Variants in NPFFR2 observed in about 807,000 individuals in gnomAD.
The protein encoded by NPFFR2 is G-protein coupled receptor 74.
In NPFFR2, 15 loss-of-function variants were observed where a neutral mutation model predicts 13.1. The observed-to-expected ratio is 1.15, with a 90% CI of 0.77 to 1.76. NPFFR2 has a LOEUF of 1.76. Ranked by LOEUF, NPFFR2 falls within the 40% of genes most tolerant of loss-of-function variation. The pLI is 0.00. For synonymous variants in NPFFR2, 190 were observed against 175.7 expected (o/e 1.08, Z -0.65); for missense variants, 572 against 503.5 (o/e 1.14, Z -1.30).
rs759202243 is a variant in NPFFR2 at position 72,032,072 on chromosome 4, C to A, written c.-136C>A. 6.2e-7 allele frequency: 1 copy of A among 1,614,072 alleles called. No individual in the cohort carries two copies. Among genetic ancestry groups the A allele is most frequent in the Non-Finnish European group, 8.5e-7 (1 of 1,179,980 alleles). On this transcript the variant is annotated 5_prime_UTR_variant, in exon 1 of 4. Coordinates refer to ENST00000308744, the MANE Select transcript of NPFFR2 (RefSeq NM_004885.3). The stretch of plus-strand genomic sequence containing the variant: ...AGTGGAGCAGGCAGTCCGCGGGGGA[C>A]AGACGTCGGCTGGGATTGAGCCGGC...
chr4:72,109,189 G>T (rs540911591), intron 1 of NPFFR2, among the ~76,000 whole-genome samples: 1 of 151,826 alleles, frequency 6.6e-6, no homozygotes, highest in Non-Finnish European at 1.5e-5. Flanking sequence ...TTCAATATTG[G>T]CCATTAGTCA....
At chr4:72,043,331 C>G (rs922962738) in intron 1 of NPFFR2, among the ~76,000 whole-genome samples, 4 of 152,200 alleles carry the variant, frequency 2.6e-5, no homozygotes, top group Non-Finnish European at 5.9e-5. Context: ...AGAGTCCTCA[C>G]TGGGGCACTG....
At chr4:72,075,194 C>T (rs1395257194) in intron 1 of NPFFR2, among the ~76,000 whole-genome samples, 1 of 152,064 alleles carries the variant, frequency 6.6e-6, no homozygotes, top group Non-Finnish European at 1.5e-5. Context: ...AAAGGTGAGA[C>T]TGGCCTGGCC....
At chr4:72,088,608 A>G (rs76739388) in intron 1 of NPFFR2, among the ~76,000 whole-genome samples, 4,881 of 152,132 alleles carry the variant, frequency 0.032, 121 homozygotes, top group Non-Finnish European at 0.051. Context: ...CCACATAGCT[A>G]GGGAGGCTTC....
intron 3 of NPFFR2, among the ~76,000 whole-genome samples, chr4:72,141,865 A>G (rs934053900): frequency 2.0e-5 from 3 of 152,200 alleles, no homozygotes; most frequent in Non-Finnish European, 4.4e-5. Flanking sequence ...GGGGTGTTAA[A>G]GTCTCCCATT....
intron 1 of NPFFR2, among the ~76,000 whole-genome samples, chr4:72,060,073 A>G (rs936351511): frequency 2.6e-5 from 4 of 152,142 alleles, no homozygotes; most frequent in Admixed American, 6.6e-5. Flanking sequence ...TTTTATGTCT[A>G]TGAACTGGTT....
chr4:72,043,918 T>C (rs1416115662), intron 1 of NPFFR2, among the ~76,000 whole-genome samples: 1 of 152,170 alleles, frequency 6.6e-6, no homozygotes, highest in East Asian at 1.9e-4. Flanking sequence ...GGTTTGGCTG[T>C]GTCCCCACCC....
At chr4:72,142,482 G>A (rs960356943) in intron 3 of NPFFR2, among the ~76,000 whole-genome samples, 2 of 152,072 alleles carry the variant, frequency 1.3e-5, no homozygotes, top group African/African-American at 2.4e-5. Flanking sequence ...TACCTCAGGT[G>A]GAAATGCAGA....
chr4:72,116,247 A>G (rs996606437), intron 1 of NPFFR2, among the ~76,000 whole-genome samples: 1 of 152,100 alleles, frequency 6.6e-6, no homozygotes, highest in Admixed American at 6.6e-5. Flanking sequence ...ATTTCACTAG[A>G]TTATATTTGA....
intron 1 of NPFFR2, among the ~76,000 whole-genome samples, chr4:72,052,965 C>T (rs1306374837): frequency 6.6e-6 from 1 of 151,826 alleles, no homozygotes; most frequent in African/African-American, 2.4e-5. Context: ...ACACCCCTAC[C>T]CCTTGCTTCA....
intron 1 of NPFFR2, among the ~76,000 whole-genome samples, chr4:72,050,675 C>A (rs1001301898): frequency 5.3e-5 from 8 of 151,876 alleles, no homozygotes; most frequent in Non-Finnish European, 4.4e-5. Context: ...AGGTTAGTTA[C>A]ACATGTATAC....
At chr4:72,094,515 T>A (rs1721003974) in intron 1 of NPFFR2, among the ~76,000 whole-genome samples, 1 of 152,134 alleles carries the variant, frequency 6.6e-6, no homozygotes. Flanking sequence ...GAGTGGGGCT[T>A]GCTGCAGCTG....
chr4:72,034,919 C>G (rs1169083944), intron 1 of NPFFR2, among the ~76,000 whole-genome samples: 1 of 152,202 alleles, frequency 6.6e-6, no homozygotes, highest in Non-Finnish European at 1.5e-5. Flanking sequence ...TTTTCAAATA[C>G]AAGACTTCTA....
At chr4:72,141,724 A>G (rs1370979467) in intron 3 of NPFFR2, among the ~76,000 whole-genome samples, 2 of 152,172 alleles carry the variant, frequency 1.3e-5, no homozygotes, top group African/African-American at 4.8e-5. Flanking sequence ...TGCTGAGAAG[A>G]ATGTATATGC....
chr4:72,066,708 A>G lies in NPFFR2; in HGVS notation c.-8+34508A>G, dbSNP rs77827597. On this transcript the variant is annotated intron_variant, in intron 1 of 3. Coordinates refer to ENST00000308744, the MANE Select transcript of NPFFR2 (RefSeq NM_004885.3). ...AAGTAAGTCTAAAATCCAACAGGGC[A>G]AACAACACTCTATCTTAAGCCTTGA... 9.3e-3 allele frequency among the ~76,000 whole-genome samples: 1,421 copies of G among 152,312 alleles called. 27 individuals carry two copies. The highest frequency in any genetic ancestry group is 0.032 in the African/African-American group (1,349 of 41,578).
At chr4:72,073,983 G>A (rs1312957470) in intron 1 of NPFFR2, among the ~76,000 whole-genome samples, 1 of 144,356 alleles carries the variant, frequency 6.9e-6, no homozygotes, top group African/African-American at 2.5e-5. Context: ...AAAGCTATAA[G>A]GCATAGAGTG....
At chr4:72,127,579 G>A (rs897479757) in intron 1 of NPFFR2, among the ~76,000 whole-genome samples, 2 of 148,542 alleles carry the variant, frequency 1.3e-5, no homozygotes, top group Non-Finnish European at 1.5e-5. Flanking sequence ...TAGCCAGGAT[G>A]GTCTCGATCT....
At chr4:72,132,423 T>C (rs1023755634) in intron 2 of NPFFR2, among the ~76,000 whole-genome samples, 7 of 152,202 alleles carry the variant, frequency 4.6e-5, no homozygotes, top group African/African-American at 1.7e-4. Context: ...ATTGATTCCA[T>C]GTCTTTGCTA....
At chr4:72,070,109 A>C (rs1720200754) in intron 1 of NPFFR2, among the ~76,000 whole-genome samples, 1 of 152,184 alleles carries the variant, frequency 6.6e-6, no homozygotes, top group Non-Finnish European at 1.5e-5. Flanking sequence ...TCACAGGTGA[A>C]AAGTTGAAGA....
Sources: gnomAD v4.1 joint callset for allele counts (sites outside exome capture counted in the v4.1 genomes callset) on GRCh38, gnomAD v4.1.1 for gene constraint, MANE v1.5 for transcripts, NCBI Gene and HGNC (gene_info 2026-07-23, HGNC 2026-07-21) for gene names.